Variants in MKRN2 observed in about 807,000 individuals in gnomAD.
The protein encoded by MKRN2 is makorin ring finger protein 2.
MKRN2 carries 32 observed loss-of-function variants against 45.4 expected under a neutral mutation model. The observed-to-expected ratio is 0.70, with a 90% CI of 0.53 to 0.95. The LOEUF (loss-of-function observed/expected upper bound fraction) is 0.95, where lower values mean the gene tolerates loss of function less well. Ranked by LOEUF, MKRN2 falls within the 40% of genes least tolerant of loss-of-function variation. MKRN2 has a pLI of 0.00. For synonymous variants in MKRN2, 206 were observed against 192.4 expected, an observed-to-expected ratio of 1.07 and a Z score of -0.59; for missense variants, 526 against 536.7, an observed-to-expected ratio of 0.98 and a Z score of 0.20.
chr3:12,575,735 T>C (rs1012419565), intron 5 of MKRN2, among the ~76,000 whole-genome samples: 1 of 152,096 alleles, frequency 6.6e-6, no homozygotes, highest in African/African-American at 2.4e-5. Context: ...CTCTACAGAG[T>C]TGCCTATTCT....
At chr3:12,569,975 C>T (rs1433290276) in intron 2 of MKRN2, 96 bp from the exon 3 acceptor site, 9 of 1,206,124 alleles carry the variant, frequency 7.5e-6, no homozygotes, top group Non-Finnish European at 1.0e-5. Context: ...TTCACCTCAA[C>T]AAGTGCAGCA....
chr3:12,570,051 C>T lies in MKRN2; in HGVS notation c.156-20C>T, dbSNP rs1263007381. 6.3e-7 allele frequency: 1 copy of T among 1,579,166 alleles called. No homozygotes were observed. Among genetic ancestry groups the T allele is most frequent in the Admixed American group, 1.8e-5 (1 of 55,904 alleles). ...TGTGGGTGGCATGTCTGTAATGCAT[C>T]TGCTGTGTGTTTTGTTTAGATATGA... On this transcript the variant is annotated intron_variant, in intron 2 of 7. Coordinates refer to ENST00000170447, the MANE Select transcript of MKRN2 (RefSeq NM_014160.5).
chr3:12,576,661 G>C lies in MKRN2; in HGVS notation c.888G>C (p.Glu296Asp), dbSNP rs2058139029. ...KSCPECRVIS[E>D]FVIPSVYWVE... is the part of the protein sequence containing the mutation. ...GTCCAGAATGCCGTGTGATATCAGA[G>C]TTTGTAATTCCAAGTGTGTATTGGG... Residue 296 changes from glutamate to aspartate, a missense_variant, in exon 6 of 8, where the codon GAG becomes GAC. Physicochemically the swap from Glu to Asp is conservative, Grantham distance 45. Transcript: ENST00000170447. 1 of 1,608,226 alleles carries C rather than the reference G, an allele frequency of 6.2e-7. No homozygotes were observed. Among genetic ancestry groups the C allele is most frequent in the Non-Finnish European group, 8.5e-7 (1 of 1,175,138 alleles).
At position 12,581,881 on chromosome 3, in the gene MKRN2, G is replaced by T; in HGVS notation, c.1042G>T (p.Ala348Ser). 6.2e-7 allele frequency: 1 copy of T among 1,614,176 alleles called. No homozygotes were observed. The highest frequency in any genetic ancestry group is 1.1e-5 in the South Asian group (1 of 91,082). Residue 348 changes from alanine to serine, a missense_variant, in exon 7 of 8, where the codon GCT (alanine) becomes TCT (serine). Coordinates refer to ENST00000170447, the MANE Select transcript of MKRN2 (RefSeq NM_014160.5). ...PFGSKCLYRH[A>S]YPDGRLAEPE... ...TGGAAGCAAATGTCTTTATCGCCAT[G>T]CTTACCCCGATGGGCGGCTAGCAGA...
In MKRN2 at chr3:12,581,960, C is replaced by T. The variant is rs747007984; in HGVS notation, c.1113+8C>T. On this transcript the variant is annotated splice_region_variant and intron_variant, in intron 7 of 7. Coordinates refer to ENST00000170447, the MANE Select transcript of MKRN2 (RefSeq NM_014160.5). ...TCTCAAGGCACTGTGAGGGTAAGGA[C>T]TTTAGCCATCTCTAGTTGGGGACAC... 1 of 1,613,366 alleles carries T rather than the reference C, an allele frequency of 6.2e-7. No homozygotes were observed. Among genetic ancestry groups the T allele is most frequent in the Non-Finnish European group, 8.5e-7 (1 of 1,179,482 alleles).
intron 6 of MKRN2, 112 bp downstream of exon 6, chr3:12,576,853 C>T (rs2058140837): frequency 1.5e-6 from 1 of 648,564 alleles, no homozygotes; most frequent in African/African-American, 1.9e-5. Flanking sequence ...TTCCTCTCTT[C>T]CTTCTCTCAG....
chr3:12,574,495 G>C (rs974465847), intron 4 of MKRN2, among the ~76,000 whole-genome samples: 2 of 152,218 alleles, frequency 1.3e-5, no homozygotes, highest in African/African-American at 4.8e-5. Context: ...TACGGACTCT[G>C]ACTCCACTGC....
rs1553608766 is a variant in MKRN2, at chr3:12,576,938, T to TG, written c.968+197_968+198insG. 1.7e-3 allele frequency: 395 copies of TG among 226,978 alleles called. 10 individuals carry two copies. The highest frequency in any genetic ancestry group is 2.9e-3 in the African/African-American group (83 of 28,906). The allele number at this position is 226,978 out of a possible 1,614,324, so 14.1% of individuals were successfully genotyped here. On this transcript the variant is annotated intron_variant, in intron 6 of 7. Coordinates refer to ENST00000170447, the MANE Select transcript of MKRN2 (RefSeq NM_014160.5). ...TGGACCTGTTTAGTTTTGGTGTTTT[T>TG]TTTTTTTTTTTTTTTTTTTCGGTGA...
At chr3:12,560,478 T>TAAAAAAAAAAAAAA (rs10651248) in intron 1 of MKRN2, among the ~76,000 whole-genome samples, 2 of 124,970 alleles carry the variant, frequency 1.6e-5, no homozygotes, top group African/African-American at 2.8e-5. Flanking sequence ...TAGGAAAATG[T>TAAAAAAAAAAAAAA]AAAAAAAAAA....
At chr3:12,578,503 G>C (rs1248235604) in intron 6 of MKRN2, among the ~76,000 whole-genome samples, 1 of 151,864 alleles carries the variant, frequency 6.6e-6, no homozygotes, top group East Asian at 1.9e-4. Flanking sequence ...TTTTAGTAGA[G>C]ACAGGGTTTC....
Position 12,583,305 on chromosome 3 carries a change from T to TATCTA in MKRN2, c.*1058_*1062dup, listed in dbSNP as rs759608704. 2.1e-4 allele frequency: 32 copies of TATCTA among 154,058 alleles called. No individual in the cohort carries two copies. The highest frequency in any genetic ancestry group is 7.3e-4 in the East Asian group (4 of 5,490). 9.5% of individuals were successfully genotyped at this position (154,058 alleles called of 1,614,324 possible). The stretch of plus-strand genomic sequence containing the variant: ...CACTAGCTTGTTCCAAGCTGGAATT[T>TATCTA]ATCTAATCTATTTTTGTGTTTAAAA... On this transcript the variant is annotated 3_prime_UTR_variant, in exon 8 of 8. Transcript: ENST00000170447.
At position 12,557,090 on chromosome 3, in the gene MKRN2, G is replaced by A; in HGVS notation, c.-61G>A. 2 of 1,477,294 alleles carry A rather than the reference G, an allele frequency of 1.4e-6. No individual in the cohort carries two copies. The highest frequency in any genetic ancestry group is 1.8e-6 in the Non-Finnish European group (2 of 1,115,658). The allele number at this position is 1,477,294 out of a possible 1,614,324, so 91.5% of individuals were successfully genotyped here. A position where few individuals can be genotyped will look rare whatever the true frequency, so the allele number is the denominator to read the frequency against. On this transcript the variant is annotated 5_prime_UTR_variant, in exon 1 of 8. Coordinates refer to ENST00000170447, the MANE Select transcript of MKRN2 (RefSeq NM_014160.5). ...CGGGATGGGCCGGGCCAGGGCCAAG[G>A]CCGAGGCGGCAGCGGCTGCGAGAGG...
chr3:12,559,603 T>G (rs2058019181), intron 1 of MKRN2, among the ~76,000 whole-genome samples: 1 of 152,042 alleles, frequency 6.6e-6, no homozygotes, highest in South Asian at 2.1e-4. Flanking sequence ...ATGCTAGGAG[T>G]CTCAAACCTA....
At chr3:12,579,680 T>C (rs2058165396) in intron 6 of MKRN2, among the ~76,000 whole-genome samples, 1 of 151,980 alleles carries the variant, frequency 6.6e-6, no homozygotes, top group Non-Finnish European at 1.5e-5. Flanking sequence ...CAGAAGGGTG[T>C]AGGTTTTGTG....
Position 12,570,255 on chromosome 3 carries a change from G to C in MKRN2, c.337+3G>C. The C allele has an allele frequency of 6.2e-7, 1 of 1,611,954 alleles. No homozygotes were observed. The highest frequency in any genetic ancestry group is 1.1e-5 in the South Asian group (1 of 90,910). ...AACATTGGTTCTTAGAGACCGAAGT[G>C]AGTAAGCGGAAGCCTTTTGTTGCGT... On this transcript the variant is annotated splice_donor_region_variant and intron_variant, in intron 3 of 7. Coordinates refer to ENST00000170447, the MANE Select transcript of MKRN2 (RefSeq NM_014160.5).
intron 1 of MKRN2, among the ~76,000 whole-genome samples, chr3:12,557,422 C>A (rs1329657441): frequency 6.6e-6 from 1 of 152,208 alleles, no homozygotes; most frequent in African/African-American, 2.4e-5. Flanking sequence ...GAAGCGTGGC[C>A]CCTGTGGGCT....
chr3:12,582,937 T>TAC lies in MKRN2; in HGVS notation c.*686_*687dup, dbSNP rs1553609275. 2 of 152,384 alleles carry TAC rather than the reference T, an allele frequency of 1.3e-5. No homozygotes were observed. Among genetic ancestry groups the TAC allele is most frequent in the Non-Finnish European group, 2.9e-5 (2 of 68,214 alleles). 9.4% of individuals were successfully genotyped at this position (152,384 alleles called of 1,614,324 possible). A position where few individuals can be genotyped will look rare whatever the true frequency, so the allele number is the denominator to read the frequency against. On this transcript the variant is annotated 3_prime_UTR_variant, in exon 8 of 8. Coordinates refer to ENST00000170447, the MANE Select transcript of MKRN2 (RefSeq NM_014160.5). ...GGGAGGCTCTTGAAGGAGCAGGAGG[T>TAC]ACAGTACTGGGTAGCAGTCTGGCCC... is the stretch of plus-strand genomic sequence containing the variant.
rs1277769509 is a variant in MKRN2, at chr3:12,581,911, G to T, written c.1072G>T (p.Glu358Ter). 1 of 1,614,204 alleles carries T rather than the reference G, an allele frequency of 6.2e-7. No individual in the cohort carries two copies. The highest frequency in any genetic ancestry group is 8.5e-7 in the Non-Finnish European group (1 of 1,180,050). Residue 358 changes from glutamate to a stop codon, truncating the protein, a stop_gained, in exon 7 of 8, where the codon GAG becomes TAG. Coordinates refer to ENST00000170447, the MANE Select transcript of MKRN2 (RefSeq NM_014160.5). LOFTEE classifies it high-confidence loss of function. ...AYPDGRLAEP[E>*]KPRKQLSSQG... is the part of the protein sequence containing the mutation. Reference sequence around the variant, plus strand: ...CCCCGATGGGCGGCTAGCAGAGCCTGAGAAACCTCGGAAACAGCTCAGTTC... The same window carrying T: ...CCCCGATGGGCGGCTAGCAGAGCCTTAGAAACCTCGGAAACAGCTCAGTTC...
rs2058198938 is a variant in MKRN2 at position 12,583,167 on chromosome 3, A to G, written c.*914A>G. 2 of 152,226 alleles carry G rather than the reference A, an allele frequency of 1.3e-5. No individual in the cohort carries two copies. Among genetic ancestry groups the G allele is most frequent in the Admixed American group, 1.3e-4 (2 of 15,284 alleles). 9.4% of individuals were successfully genotyped at this position (152,226 alleles called of 1,614,324 possible). A position where few individuals can be genotyped will look rare whatever the true frequency, so the allele number is the denominator to read the frequency against. ...TGATTTGAAATTTTGTAAAAATTTCATGGCACCCAAGGTTTCTGATTCTGA... is the reference window on the plus strand; with the variant it reads ...TGATTTGAAATTTTGTAAAAATTTCGTGGCACCCAAGGTTTCTGATTCTGA... On this transcript the variant is annotated 3_prime_UTR_variant, in exon 8 of 8. Coordinates refer to ENST00000170447, the MANE Select transcript of MKRN2 (RefSeq NM_014160.5).
Sources: gnomAD v4.1 joint callset for allele counts (sites outside exome capture counted in the v4.1 genomes callset) on GRCh38, gnomAD v4.1.1 for gene constraint, MANE v1.5 for transcripts, NCBI Gene and HGNC (gene_info 2026-07-23, HGNC 2026-07-21) for gene names.